MYO7A: variants seen among roughly 807,000 people sequenced by gnomAD.
MYO7A encodes unconventional myosin-VIIa.
A neutral mutation model predicts 263.8 loss-of-function variants in MYO7A; 210 were observed. The ratio of observed to expected loss-of-function variants is 0.80; its 90% CI spans 0.71 to 0.89. The LOEUF (loss-of-function observed/expected upper bound fraction) is 0.89, where lower values mean the gene tolerates loss of function less well. MYO7A is among the 40% of genes least tolerant of loss of function. The pLI, the probability that MYO7A is intolerant of heterozygous loss-of-function variation, is 0.00. For missense variants in MYO7A, 2,820 were observed against 2,968.3 expected, an observed-to-expected ratio of 0.95 and a Z score of 1.16; for synonymous variants, 1,239 against 1,197.3, an observed-to-expected ratio of 1.03 and a Z score of -0.72.
At position 77,162,970 on chromosome 11, in the gene MYO7A, G is replaced by A. The variant is rs782101820; in HGVS notation, c.1672G>A (p.Val558Ile). 2.1e-5 allele frequency: 34 copies of A among 1,613,700 alleles called. No homozygotes were observed. Among genetic ancestry groups the A allele is most frequent in the Admixed American group, 5.0e-5 (3 of 59,982 alleles). Residue 558 changes from valine to isoleucine, a missense_variant, in exon 14 of 49, where the codon GTC becomes ATC. Val to Ile is a conservative substitution (Grantham distance 29). Coordinates refer to ENST00000409709, the MANE Select transcript of MYO7A (RefSeq NM_000260.4). ...QFGINHFAGI[V>I]YYETQGFLEK... ...TGGCATCAACCATTTTGCAGGCATC[G>A]TCTACTATGAGACCCAAGGTACAGA...
chr11:77,177,453 G>A, intron 18 of MYO7A, 96 bp from the exon 19 acceptor site: 1 of 996,122 alleles, frequency 1.0e-6, no homozygotes, highest in Non-Finnish European at 1.5e-6. Flanking sequence ...TTCTTGACCT[G>A]TGCTCCCAGT....
Position 77,203,168 on chromosome 11 carries a change from G to A in MYO7A, c.5277G>A (p.Lys1759=). The A allele has an allele frequency of 6.4e-7, 1 of 1,551,946 alleles. No homozygotes were observed. Among genetic ancestry groups the A allele is most frequent in the East Asian group, 2.4e-5 (1 of 41,142 alleles). The change falls in exon 38 of 49, where the codon AAG becomes AAA. Residue 1759 remains lysine, a synonymous_variant. Coordinates refer to ENST00000409709, the MANE Select transcript of MYO7A (RefSeq NM_000260.4). ...CGCTCAAGCAGGCGCTGCTCAAGAA[G>A]CTCCTGGGCAGTGAGGAGCTCTCGC... ...REPLKQALLK[K]LLGSEELSQE... is the part of the protein sequence containing the mutation.
At chr11:77,142,544 C>T in intron 2 of MYO7A, 165 bp from the exon 3 acceptor site, 1 of 694,132 alleles carries the variant, frequency 1.4e-6, no homozygotes, top group Middle Eastern at 2.3e-4. Flanking sequence ...CAGCCCAGGG[C>T]CTGCACTGCT....
chr11:77,160,351 G>A, intron 11 of MYO7A, 69 bp downstream of exon 11: 2 of 1,515,700 alleles, frequency 1.3e-6, no homozygotes, highest in Non-Finnish European at 8.8e-7. Context: ...ATGGGCAGGT[G>A]CCAAGGAGTC....
intron 26 of MYO7A, 121 bp from the exon 27 acceptor site, chr11:77,184,467 G>C: frequency 1.2e-6 from 1 of 822,768 alleles, no homozygotes; most frequent in South Asian, 1.7e-5. Context: ...GGGGAGCCCA[G>C]TTCTTCTGCT....
At chr11:77,188,768 G>A (rs1955818673) in intron 27 of MYO7A, among the ~76,000 whole-genome samples, 2 of 152,160 alleles carry the variant, frequency 1.3e-5, no homozygotes, top group Non-Finnish European at 2.9e-5. Flanking sequence ...TACCTTAATT[G>A]TTTTCATCCC....
At chr11:77,160,398 C>G (rs1952885935) in intron 11 of MYO7A, 116 bp downstream of exon 11, 3 of 1,403,276 alleles carry the variant, frequency 2.1e-6, no homozygotes, top group South Asian at 2.8e-5. Flanking sequence ...GCCACCCCTG[C>G]CTGCCCCGGG....
At chr11:77,199,859 A>G (rs1226085416) in intron 35 of MYO7A, 41 bp downstream of exon 35, 3 of 1,532,478 alleles carry the variant, frequency 2.0e-6, no homozygotes, top group East Asian at 2.3e-5. Context: ...ACTGGGGGTC[A>G]GGGTGTTATG....
rs1318367424 is a variant in MYO7A, at chr11:77,188,577, G to GCAAGGA, written c.3504-765_3504-764insAGGACA. On this transcript the variant is annotated intron_variant, in intron 27 of 48. Transcript: ENST00000409709. ...GTGTCCTGCCCTTGTCCTTGAACAG[G>GCAAGGA]CAGGCTGCAGTCTTAGAGTACTCAG... Among the ~76,000 whole-genome samples the GCAAGGA allele has an allele frequency of 6.2e-3, 944 of 152,264 alleles. 12 individuals carry two copies. Among genetic ancestry groups the GCAAGGA allele is most frequent in the African/African-American group, 0.021 (881 of 41,540 alleles).
rs1957972101 is a variant in MYO7A, at chr11:77,212,952, C to A, written c.6355C>A (p.Gln2119Lys). 6.3e-7 allele frequency: 1 copy of A among 1,589,822 alleles called. No individual in the cohort carries two copies. The highest frequency in any genetic ancestry group is 8.6e-7 in the Non-Finnish European group (1 of 1,167,346). The change falls in exon 47 of 49, where the codon CAA (glutamine) becomes AAA (lysine). Residue 2119 changes from glutamine to lysine, a missense_variant and splice_region_variant. By Grantham distance (53) the Gln-to-Lys change is moderately conservative. Coordinates refer to ENST00000409709, the MANE Select transcript of MYO7A (RefSeq NM_000260.4). Reference protein sequence around the residue: ...TFGSAFFEVKQTTEPNFPEIL... With the variant: ...TFGSAFFEVKKTTEPNFPEIL... ...GATGCCTTCTCATCTTTTTTTCTAG[C>A]AAACTACGGAGCCAAACTTCCCTGA...
intron 32 of MYO7A, among the ~76,000 whole-genome samples, chr11:77,195,994 C>T (rs1159438560): frequency 6.6e-6 from 1 of 152,222 alleles, no homozygotes; most frequent in Non-Finnish European, 1.5e-5. Flanking sequence ...CGTCTGAGTC[C>T]AAATATCCTG....
At chr11:77,184,391 C>T (rs1955503982) in intron 26 of MYO7A, among the ~76,000 whole-genome samples, 197 bp from the exon 27 acceptor site, 1 of 152,142 alleles carries the variant, frequency 6.6e-6, no homozygotes, top group African/African-American at 2.4e-5. Flanking sequence ...CCAGTGTGCC[C>T]CTGCTGTGTG....
intron 31 of MYO7A, among the ~76,000 whole-genome samples, chr11:77,192,706 C>T (rs1215879484): frequency 6.6e-6 from 1 of 151,852 alleles, no homozygotes; most frequent in Admixed American, 6.6e-5. Context: ...GTTTTGTTTT[C>T]GATAATGGTA....
At chr11:77,130,216 C>T (rs990410911) in intron 1 of MYO7A, among the ~76,000 whole-genome samples, 8 of 152,238 alleles carry the variant, frequency 5.3e-5, no homozygotes, top group Admixed American at 6.5e-5. Context: ...AGCTGAGTGC[C>T]GGAGATTAAG....
chr11:77,201,068 C>T (rs980994173), intron 35 of MYO7A, among the ~76,000 whole-genome samples: 7 of 152,212 alleles, frequency 4.6e-5, no homozygotes, highest in Non-Finnish European at 5.9e-5. Flanking sequence ...GACCAGAGCA[C>T]AGGGGGCAGA....
In MYO7A at chr11:77,201,512, G is replaced by A. The variant is rs367670696; in HGVS notation, c.4917G>A (p.Thr1639=). Residue 1639 remains threonine (T), a synonymous_variant, in exon 36 of 49, where the codon ACG becomes ACA. Coordinates refer to ENST00000409709, the MANE Select transcript of MYO7A (RefSeq NM_000260.4). ...ACCTCATCATCCTGGACCATGACAC[G>A]GGCGAGCAGGTCATGAACTCGGGCT... The part of the protein sequence containing the change: ...KGDLIILDHD[T]GEQVMNSGWA... 77 of 1,613,852 alleles carry A rather than the reference G, an allele frequency of 4.8e-5. No individual in the cohort carries two copies. Among genetic ancestry groups the A allele is most frequent in the Admixed American group, 3.7e-4 (22 of 60,014 alleles).
rs375745526 is a variant in MYO7A at position 77,160,985 on chromosome 11, C to A, written c.1213C>A (p.Arg405=). The A allele has an allele frequency of 1.2e-5, 20 of 1,604,742 alleles. No individual in the cohort carries two copies. Among genetic ancestry groups the A allele is most frequent in the Admixed American group, 1.7e-5 (1 of 58,408 alleles). ...CACTGCCTTTCAGGGGATCTACGGG[C>A]GGCTGTTCGTGTGGATTGTGGACAA... is the stretch of plus-strand genomic sequence containing the variant. ...RDAFVKGIYG[R]LFVWIVDKIN... The change falls in exon 12 of 49, where the codon CGG becomes AGG. Residue 405 remains arginine (R), a synonymous_variant. Transcript: ENST00000409709.
chr11:77,172,861 G>A lies in MYO7A; in HGVS notation c.1911G>A (p.Lys637=). The A allele has an allele frequency of 6.4e-7, 1 of 1,551,994 alleles. No individual in the cohort carries two copies. Among genetic ancestry groups the A allele is most frequent in the East Asian group, 2.4e-5 (1 of 40,934 alleles). The change falls in exon 16 of 49, where the codon AAG becomes AAA. Residue 637 remains lysine (K), a synonymous_variant. Transcript: ENST00000409709. ...ACQPFFVRCI[K]PNEFKKPMLF... ...AGCCCTTCTTTGTGCGATGCATCAAGCCCAATGAGTTCAAGAAGCCCATGG... is the reference window on the plus strand; with the variant it reads ...AGCCCTTCTTTGTGCGATGCATCAAACCCAATGAGTTCAAGAAGCCCATGG...
chr11:77,212,901 G>A, intron 46 of MYO7A, 51 bp from the exon 47 acceptor site: 1 of 1,391,244 alleles, frequency 7.2e-7, no homozygotes, highest in Non-Finnish European at 1.0e-6. Flanking sequence ...GTCCCCAAAT[G>A]CTTTTCTTGC....
Sources: gnomAD v4.1 joint callset for allele counts (sites outside exome capture counted in the v4.1 genomes callset) on GRCh38, gnomAD v4.1.1 for gene constraint, MANE v1.5 for transcripts, NCBI Gene and HGNC (gene_info 2026-07-23, HGNC 2026-07-21) for gene names.